MARK4: variants seen among roughly 807,000 people sequenced by gnomAD.
MARK4 encodes microtubule affinity regulating kinase 4.
Under a neutral mutation model 81.5 loss-of-function variants are expected in MARK4, and 19 were observed. The observed-to-expected ratio is 0.23, with a 90% CI of 0.16 to 0.34. The LOEUF (loss-of-function observed/expected upper bound fraction) is 0.34. MARK4 is among the 10% of genes least tolerant of loss of function. MARK4 has a pLI of 1.00. For missense variants in MARK4, 772 were observed against 1,058.8 expected, an observed-to-expected ratio of 0.73 and a Z score of 3.76; for synonymous variants, 436 against 439.0, an observed-to-expected ratio of 0.99 and a Z score of 0.08.
chr19:45,273,264 CTCTA>C (rs1181889923), intron 8 of MARK4, among the ~76,000 whole-genome samples: 3 of 152,186 alleles, frequency 2.0e-5, no homozygotes, highest in Non-Finnish European at 1.5e-5. Flanking sequence ...TCCACATTTG[CTCTA>C]TCTGTCTGTA....
rs776399121 is a variant in MARK4 at position 45,264,772 on chromosome 19, C to G, written c.421+23C>G. 11 of 1,613,866 alleles carry G rather than the reference C, an allele frequency of 6.8e-6. No individual in the cohort carries two copies. In the Admixed American group the frequency reaches 1.0e-4, roughly 15 times the overall value. The stretch of plus-strand genomic sequence containing the variant: ...CTGGTGAGCCGCCCACCCTCTCCGC[C>G]CTGCCCCTGTGCCACCTCCCCCTGC... On this transcript the variant is annotated intron_variant, in intron 5 of 16. Coordinates refer to ENST00000262891, the MANE Select transcript of MARK4 (RefSeq NM_001199867.2).
At chr19:45,251,985 G>A (rs190937570) in intron 1 of MARK4, among the ~76,000 whole-genome samples, 10 of 149,314 alleles carry the variant, frequency 6.7e-5, no homozygotes, top group South Asian at 4.3e-4. Flanking sequence ...GTCCGCGTCC[G>A]ACACCTCGCC....
rs757338242 is a variant in MARK4 at position 45,299,799 on chromosome 19, C to T, written c.1878-12C>T. On this transcript the variant is annotated splice_polypyrimidine_tract_variant and intron_variant, in intron 15 of 16. Transcript: ENST00000262891. ...TCCAGATTAGACACTCTGTCCCCCT[C>T]CCCTCCCCTAGGGTCGCAGACGAAC... 9 of 1,594,456 alleles carry T rather than the reference C, an allele frequency of 5.6e-6. No homozygotes were observed. Among genetic ancestry groups the T allele is most frequent in the Non-Finnish European group, 7.7e-6 (9 of 1,166,720 alleles).
intron 13 of MARK4, among the ~76,000 whole-genome samples, chr19:45,293,907 G>C (rs545722649): frequency 1.7e-4 from 26 of 152,304 alleles, no homozygotes; most frequent in African/African-American, 5.5e-4. Flanking sequence ...AAGATATGTA[G>C]GAGTGAGTCA....
chr19:45,264,568 A>G (rs1161526447), intron 4 of MARK4, 116 bp from the exon 5 acceptor site: 1 of 921,948 alleles, frequency 1.1e-6, no homozygotes, highest in Non-Finnish European at 1.7e-6. Context: ...GTAGGGAGCC[A>G]TTGAGTGTTG....
chr19:45,267,466 C>T (rs767020990), intron 7 of MARK4, among the ~76,000 whole-genome samples: 1 of 152,196 alleles, frequency 6.6e-6, no homozygotes, highest in South Asian at 2.1e-4. Flanking sequence ...GCAGCCTCCT[C>T]GAGTACCTGT....
chr19:45,280,408 A>C lies in MARK4; in HGVS notation c.1041A>C (p.Glu347Asp), dbSNP rs1396436634. 15 of 1,614,178 alleles carry C rather than the reference A, an allele frequency of 9.3e-6. No individual in the cohort carries two copies. Among genetic ancestry groups the C allele is most frequent in the Non-Finnish European group, 1.3e-5 (15 of 1,180,018 alleles). Residue 347 changes from glutamate (E) to aspartate (D), a missense_variant, in exon 11 of 17, where the codon GAA becomes GAC. Around this residue, in one of 3 missense-constraint regions of MARK4, gnomAD observed 548 missense variants for 624.3 expected, o/e 0.88. Transcript: ENST00000262891. The stretch of plus-strand genomic sequence containing the variant: ...TGGGTATGGGCTACACACGGGAAGA[A>C]ATCAAAGAGTCCTTGACCAGCCAGA... The part of the protein sequence containing the change: ...VMVGMGYTRE[E>D]IKESLTSQKY...
At chr19:45,252,963 G>A (rs1181135957) in intron 1 of MARK4, among the ~76,000 whole-genome samples, 1 of 151,714 alleles carries the variant, frequency 6.6e-6, no homozygotes. Flanking sequence ...CTGCCCCCAT[G>A]GCTTTGTCAC....
Position 45,302,393 on chromosome 19 carries a change from C to G in MARK4, c.1942C>G (p.Gln648Glu), listed in dbSNP as rs760976192. The G allele has an allele frequency of 1.2e-6, 2 of 1,614,136 alleles. No homozygotes were observed. Among genetic ancestry groups the G allele is most frequent in the South Asian group, 2.2e-5 (2 of 91,080 alleles). The change falls in exon 17 of 17, where the codon CAA (glutamine) becomes GAA (glutamate). Residue 648 changes from glutamine (Q) to glutamate (E), a missense_variant. Gln to Glu is a conservative substitution (Grantham distance 29, BLOSUM62 2). Transcript: ENST00000262891. The surrounding 1 kb of genome is among the most constrained non-coding windows in gnomAD (Gnocchi z 4.9). ...CCTCAGTTGCCATCTACCTTGGGAT[C>G]AAACGGAAACCGCCCCCCGGCTGCT... ...EVTSCHLPWD[Q>E]TETAPRLLRF...
chr19:45,267,771 T>C (rs1970474729), intron 7 of MARK4, among the ~76,000 whole-genome samples: 1 of 152,154 alleles, frequency 6.6e-6, no homozygotes, highest in South Asian at 2.1e-4. Context: ...AATAGTTCTC[T>C]CACCTCAGCC....
Position 45,251,399 on chromosome 19 carries a change from C to T in MARK4, c.-190C>T, listed in dbSNP as rs954941927. 18 of 365,772 alleles carry T rather than the reference C, an allele frequency of 4.9e-5. No individual in the cohort carries two copies. The highest frequency in any genetic ancestry group is 3.1e-4 in the African/African-American group (14 of 45,150). The allele number at this position is 365,772 out of a possible 1,614,324, so 22.7% of individuals were successfully genotyped here. ...GCCCGGGGTCCCCGCTGCACGGGGC[C>T]ACTAGGACCCTCGGCGTCCCTTCCC... On this transcript the variant is annotated 5_prime_UTR_variant, in exon 1 of 17. Transcript: ENST00000262891.
chr19:45,275,647 A>G (rs1212981410), intron 8 of MARK4, among the ~76,000 whole-genome samples: 1 of 152,176 alleles, frequency 6.6e-6, no homozygotes, highest in African/African-American at 2.4e-5. Flanking sequence ...GCAGTGTGGC[A>G]TGGTGGTCAC....
chr19:45,291,885 A>G (rs1240022354), intron 13 of MARK4, among the ~76,000 whole-genome samples: 2 of 152,250 alleles, frequency 1.3e-5, no homozygotes, highest in Non-Finnish European at 2.9e-5. Context: ...GGGCTGGACA[A>G]TAGGCACTGG....
chr19:45,303,062 C>G lies in MARK4; in HGVS notation c.*352C>G. 1 of 291,492 alleles carries G rather than the reference C, an allele frequency of 3.4e-6. No individual in the cohort carries two copies. The highest frequency in any genetic ancestry group is 6.4e-6 in the Non-Finnish European group (1 of 155,304). 18.1% of individuals were successfully genotyped at this position (291,492 alleles called of 1,614,324 possible). On this transcript the variant is annotated 3_prime_UTR_variant, in exon 17 of 17. Coordinates refer to ENST00000262891, the MANE Select transcript of MARK4 (RefSeq NM_001199867.2). ...CAACAGCTCAAAATTAGGCCTTGGG[C>G]AGGGGCAGGGAGAGCTGCTGAGCCT... is the stretch of plus-strand genomic sequence containing the variant.
rs1268869960 is a variant in MARK4, at chr19:45,251,622, G to A, written c.34G>A (p.Asp12Asn). 2.1e-5 allele frequency: 28 copies of A among 1,314,702 alleles called. No homozygotes were observed. The highest frequency in any genetic ancestry group is 2.8e-5 in the Non-Finnish European group (28 of 1,015,574). The allele number at this position is 1,314,702 out of a possible 1,614,324, so 81.4% of individuals were successfully genotyped here. The change falls in exon 1 of 17, where the codon GAT becomes AAT. Residue 12 changes from aspartate (D) to asparagine (N), a missense_variant. Physicochemically the swap from Asp to Asn is conservative, Grantham distance 23. Coordinates refer to ENST00000262891, the MANE Select transcript of MARK4 (RefSeq NM_001199867.2). Reference protein sequence around the residue: ...SSRTVLAPGNDRNSDTHGTLG... With the variant: ...SSRTVLAPGNNRNSDTHGTLG... ...GCGGACGGTGCTGGCCCCGGGCAAC[G>A]ATCGGAACTCGGACACGGTGAGTGG...
intron 1 of MARK4, among the ~76,000 whole-genome samples, chr19:45,256,773 A>G (rs937674717): frequency 3.9e-5 from 6 of 152,206 alleles, no homozygotes; most frequent in Admixed American, 1.3e-4. Flanking sequence ...TCACAGATAC[A>G]GTGTTTTCTA....
chr19:45,256,856 A>G (rs187308944), intron 1 of MARK4, among the ~76,000 whole-genome samples: 5 of 152,324 alleles, frequency 3.3e-5, no homozygotes, highest in African/African-American at 7.2e-5. Context: ...CCTGTGCACA[A>G]TTTGTGTCTC....
intron 10 of MARK4, 152 bp downstream of exon 10, chr19:45,278,767 C>T: frequency 1.6e-6 from 1 of 610,536 alleles, no homozygotes; most frequent in Non-Finnish European, 2.9e-6. Flanking sequence ...CCATGCCCGG[C>T]TAATTTTTGT....
rs1012802337 is a variant in MARK4 at position 45,300,941 on chromosome 19, G to A, written c.1922+1086G>A. 1.8e-4 allele frequency among the ~76,000 whole-genome samples: 28 copies of A among 152,154 alleles called. No individual in the cohort carries two copies. In the East Asian group the frequency reaches 2.5e-3, roughly 14 times the overall value. ...ACCCAAGCTGAGGGGCGGCCCCACC[G>A]GAACAAGGGAGGCTAGTCCTGGGAT... On this transcript the variant is annotated intron_variant, in intron 16 of 16. Coordinates refer to ENST00000262891, the MANE Select transcript of MARK4 (RefSeq NM_001199867.2).
Sources: gnomAD v4.1 joint callset for allele counts (sites outside exome capture counted in the v4.1 genomes callset) on GRCh38, gnomAD v4.1.1 for gene constraint, gnomAD v4.1.1 regional missense constraint, Gnocchi (gnomAD v3.1) non-coding constraint, MANE v1.5 for transcripts, NCBI Gene and HGNC (gene_info 2026-07-23, HGNC 2026-07-21) for gene names.